UROC1: variants seen among roughly 807,000 people sequenced by gnomAD.
The protein encoded by UROC1 is urocanate hydratase 1, also known as urocanate hydratase.
A neutral mutation model predicts 89.5 loss-of-function variants in UROC1; 79 were observed. The observed-to-expected ratio is 0.88, with a 90% CI of 0.74 to 1.06. The LOEUF is 1.06. UROC1 is among the 50% of genes least tolerant of loss of function. UROC1 has a pLI of 0.00. For synonymous variants in UROC1, 361 were observed against 354.8 expected (o/e 1.02, Z -0.20); for missense variants, 885 against 907.8 (o/e 0.97, Z 0.32).
intron 14 of UROC1, 137 bp from the exon 15 acceptor site, chr3:126,496,245 AC>A (rs1395987393): frequency 2.7e-6 from 2 of 745,298 alleles, no homozygotes; most frequent in African/African-American, 2.0e-5. Flanking sequence ...AGCCCACCCC[AC>A]CCCACCCCTG....
chr3:126,496,014 C>G (rs1179343985), intron 15 of UROC1, 24 bp downstream of exon 15: 1 of 1,610,078 alleles, frequency 6.2e-7, no homozygotes, highest in Non-Finnish European at 8.5e-7. Flanking sequence ...GCCACCCCAG[C>G]CTCCCCCAGG....
At chr3:126,500,642 A>G (rs1935896228) in intron 11 of UROC1, 53 bp downstream of exon 11, 1 of 1,610,706 alleles carries the variant, frequency 6.2e-7, no homozygotes, top group East Asian at 2.2e-5. Flanking sequence ...AGAGCAGGAC[A>G]AGGTGGTCTG....
intron 2 of UROC1, among the ~76,000 whole-genome samples, chr3:126,509,886 C>T (rs1329953955): frequency 1.3e-5 from 2 of 152,216 alleles, no homozygotes. Flanking sequence ...TCCCTCCCCA[C>T]TTGGCACACT....
At position 126,508,060 on chromosome 3, in the gene UROC1, T is replaced by A; in HGVS notation, c.447A>T (p.Thr149=). The A allele has an allele frequency of 6.2e-7, 1 of 1,614,000 alleles. No individual in the cohort carries two copies. The highest frequency in any genetic ancestry group is 2.2e-5 in the East Asian group (1 of 44,866). ...WLTMFYLSKM[T]EEQTLVMYSG... ...TGTACATGACCAAAGTCTGCTCCTC[T>A]GTCATCTTCGACAAGTAGAACATGG... is the stretch of plus-strand genomic sequence containing the variant. Residue 149 remains threonine, a synonymous_variant, in exon 5 of 20, where the codon ACA becomes ACT. Transcript: ENST00000290868.
chr3:126,512,199 C>T (rs995650403), intron 1 of UROC1, among the ~76,000 whole-genome samples: 5 of 152,236 alleles, frequency 3.3e-5, no homozygotes, highest in Non-Finnish European at 4.4e-5. Flanking sequence ...TGCAACAGGA[C>T]TGTGGGTGGC....
In UROC1 at chr3:126,500,875, C is replaced by T. The variant is rs747566185; in HGVS notation, c.966-1G>A. ...GTCCAATTCGTGGACCAGGCGCTCC[C>T]TGGGGAAGCCATGCGGTGGTCAGTG... On this transcript the variant is annotated splice_acceptor_variant, in intron 10 of 19. Coordinates refer to ENST00000290868, the MANE Select transcript of UROC1 (RefSeq NM_144639.3). LOFTEE classifies it high-confidence loss of function. 7.4e-6 allele frequency: 12 copies of T among 1,613,482 alleles called. No individual in the cohort carries two copies. The highest frequency in any genetic ancestry group is 9.3e-6 in the Non-Finnish European group (11 of 1,180,008).
rs868528337 is a variant in UROC1, at chr3:126,498,156, C to T, written c.1333G>A (p.Gly445Arg). Residue 445 changes from glycine (G) to arginine (R), a missense_variant, in exon 14 of 20, where the codon GGA becomes AGA. By Grantham distance (125) the Gly-to-Arg change is moderately radical (BLOSUM62 -2). Coordinates refer to ENST00000290868, the MANE Select transcript of UROC1 (RefSeq NM_144639.3). ...CACACCCAGCGGAAAGGCCCAAATC[C>T]CTGGGAGAATATGTCCCTGCAAGCA... ...QHIMGDIFSQ[G>R]FGPFRWVCTS... The T allele has an allele frequency of 6.2e-7, 1 of 1,614,218 alleles. No homozygotes were observed. The highest frequency in any genetic ancestry group is 8.5e-7 in the Non-Finnish European group (1 of 1,180,034).
At chr3:126,509,439 G>C (rs1018467061) in intron 3 of UROC1, 146 bp downstream of exon 3, 1 of 770,638 alleles carries the variant, frequency 1.3e-6, no homozygotes, top group African/African-American at 1.7e-5. Context: ...GAAGCCGAGG[G>C]AAGGGCCAGG....
chr3:126,503,925 G>A, intron 9 of UROC1, 70 bp downstream of exon 9: 1 of 1,575,128 alleles, frequency 6.3e-7, no homozygotes, highest in Non-Finnish European at 8.7e-7. Context: ...TGCCCCATGG[G>A]GGTCCTCTTG....
intron 2 of UROC1, among the ~76,000 whole-genome samples, chr3:126,509,972 G>A (rs578235653): frequency 1.4e-4 from 21 of 152,380 alleles, no homozygotes; most frequent in Admixed American, 3.9e-4. Flanking sequence ...GGTAAGCAGA[G>A]TTTATTCATT....
At chr3:126,495,805 C>A (rs576145777) in intron 15 of UROC1, among the ~76,000 whole-genome samples, 1 of 152,226 alleles carries the variant, frequency 6.6e-6, no homozygotes, top group Non-Finnish European at 1.5e-5. Context: ...CCAGGCCACC[C>A]TTTAAAGGTC....
intron 12 of UROC1, among the ~76,000 whole-genome samples, 190 bp downstream of exon 12, chr3:126,499,867 C>T (rs1218319380): frequency 3.9e-5 from 6 of 152,200 alleles, no homozygotes; most frequent in Non-Finnish European, 8.8e-5. Context: ...AACTGAGGCC[C>T]AGAGAGGCTG....
Position 126,482,184 on chromosome 3 carries a change from A to G in UROC1, c.*161T>C. ...TGGGCCTCAGGGGGCTGTCTGTAAAATGAGGCTGTGGTGGCACCCTGCACA... is the reference window on the plus strand; with the variant it reads ...TGGGCCTCAGGGGGCTGTCTGTAAAGTGAGGCTGTGGTGGCACCCTGCACA... On this transcript the variant is annotated 3_prime_UTR_variant, in exon 20 of 20. Transcript: ENST00000290868. The G allele has an allele frequency of 9.8e-7, 1 of 1,015,542 alleles. No individual in the cohort carries two copies. The highest frequency in any genetic ancestry group is 1.4e-6 in the Non-Finnish European group (1 of 692,674). 62.9% of individuals were successfully genotyped at this position (1,015,542 alleles called of 1,614,324 possible). A position where few individuals can be genotyped will look rare whatever the true frequency, so the allele number is the denominator to read the frequency against.
At chr3:126,499,916 A>T in intron 12 of UROC1, 141 bp downstream of exon 12, 2 of 777,904 alleles carry the variant, frequency 2.6e-6, no homozygotes, top group Non-Finnish European at 4.3e-6. Context: ...AAGGCCTGGC[A>T]GAGGCACAGT....
chr3:126,510,508 G>A (rs571849571), intron 2 of UROC1, among the ~76,000 whole-genome samples, 156 bp downstream of exon 2: 33 of 152,318 alleles, frequency 2.2e-4, no homozygotes, highest in African/African-American at 7.5e-4. Flanking sequence ...CTCCCGAGGC[G>A]ACGACACAGA....
intron 6 of UROC1, among the ~76,000 whole-genome samples, chr3:126,507,110 T>G (rs1436177511): frequency 6.6e-6 from 1 of 152,114 alleles, no homozygotes; most frequent in Non-Finnish European, 1.5e-5. Flanking sequence ...TAGTTTGCAT[T>G]ACCTCTATAA....
intron 8 of UROC1, among the ~76,000 whole-genome samples, chr3:126,504,517 G>C (rs1400985114): frequency 6.6e-6 from 1 of 152,212 alleles, no homozygotes; most frequent in Admixed American, 6.5e-5. Context: ...AGGATGGCTA[G>C]GGTAGGGGCA....
At position 126,489,220 on chromosome 3, in the gene UROC1, T is replaced by A. The variant is rs187530922; in HGVS notation, c.1708+56A>T. The A allele has an allele frequency of 1.2e-5, 18 of 1,521,082 alleles. No individual in the cohort carries two copies. In the Admixed American group the frequency reaches 2.0e-4, roughly 17 times the overall value. The allele number at this position is 1,521,082 out of a possible 1,614,324, so 94.2% of individuals were successfully genotyped here. On this transcript the variant is annotated intron_variant, in intron 17 of 19. Transcript: ENST00000290868. ...CATTGTGACTGACTAAATGCATCAA[T>A]TTTTAATAAAATCCAAATCTAAGAT... is the stretch of plus-strand genomic sequence containing the variant.
rs932731187 is a variant in UROC1, at chr3:126,496,501, A to T, written c.1439-393T>A. On this transcript the variant is annotated intron_variant, in intron 14 of 19. Transcript: ENST00000290868. ...TTCTGAGGAAGTGGCCATCAAGCTGAGTCTAAAGGCTGGGAAGGAACCGGA... is the reference window on the plus strand; with the variant it reads ...TTCTGAGGAAGTGGCCATCAAGCTGTGTCTAAAGGCTGGGAAGGAACCGGA... Among the ~76,000 whole-genome samples the T allele has an allele frequency of 2.0e-5, 3 of 152,274 alleles. No homozygotes were observed. The South Asian group carries it at 6.2e-4, about 32-fold the overall frequency.
Sources: allele counts gnomAD v4.1 joint callset (sites outside exome capture counted in the v4.1 genomes callset), GRCh38; gene constraint gnomAD v4.1.1; transcripts MANE v1.5; gene names NCBI Gene and HGNC (gene_info 2026-07-23, HGNC 2026-07-21).